Variants in ATP8B1 observed in about 807,000 individuals in gnomAD.
The protein encoded by ATP8B1 is phospholipid-transporting ATPase IC.
A neutral mutation model predicts 149.9 loss-of-function variants in ATP8B1; 80 were observed. The ratio of observed to expected loss-of-function variants is 0.53; its 90% CI spans 0.45 to 0.64. The LOEUF is 0.64. Among genes scored for constraint, ATP8B1 ranks in the 30% least tolerant of loss-of-function variants. The pLI is 0.00. For missense variants in ATP8B1, 1,247 were observed against 1,552.6 expected, an observed-to-expected ratio of 0.80 and a Z score of 3.31; for synonymous variants, 536 against 562.8, an observed-to-expected ratio of 0.95 and a Z score of 0.67.
intron 1 of ATP8B1, among the ~76,000 whole-genome samples, chr18:57,795,507 A>G (rs1412954796): frequency 6.6e-6 from 1 of 152,236 alleles, no homozygotes; most frequent in Non-Finnish European, 1.5e-5. Flanking sequence ...TGTGCATACA[A>G]TGGAATATTA....
At chr18:57,712,696 G>A (rs866966536) in intron 2 of ATP8B1, among the ~76,000 whole-genome samples, 4 of 151,656 alleles carry the variant, frequency 2.6e-5, no homozygotes, top group Non-Finnish European at 4.4e-5. Context: ...ATGCTTGCTC[G>A]GCCCCTCCCC....
At position 57,754,211 on chromosome 18, in the gene ATP8B1, G is replaced by T. The variant is rs181164063; in HGVS notation, c.-25-22379C>A. ...CTAGCACTTTGGGAGCCTGAGGCAG[G>T]TGGATCATTTGAAGTCAAGAGTTCG... On this transcript the variant is annotated intron_variant, in intron 1 of 27. Coordinates refer to ENST00000648908, the MANE Select transcript of ATP8B1 (RefSeq NM_001374385.1). 1.5e-3 allele frequency among the ~76,000 whole-genome samples: 234 copies of T among 152,180 alleles called. 1 individual carries two copies. The highest frequency in any genetic ancestry group is 5.5e-3 in the African/African-American group (229 of 41,542).
At chr18:57,662,768 T>C (rs1438751106) in intron 20 of ATP8B1, among the ~76,000 whole-genome samples, 153 bp from the exon 21 acceptor site, 1 of 152,220 alleles carries the variant, frequency 6.6e-6, no homozygotes, top group Non-Finnish European at 1.5e-5. Context: ...ATTATAATTT[T>C]TTTGAGAGAG....
In ATP8B1 at chr18:57,648,714, T is replaced by A; in HGVS notation, c.3532-2A>T. On this transcript the variant is annotated splice_acceptor_variant, in intron 27 of 27. Transcript: ENST00000648908. LOFTEE classifies it high-confidence loss of function. ...CAACCGCTTGCGATGCTTCTGGATC[T>A]GCAAGGGGGAGAGATGGGGAGGGAT... The A allele has an allele frequency of 6.4e-7, 1 of 1,551,714 alleles. No individual in the cohort carries two copies. The highest frequency in any genetic ancestry group is 8.7e-7 in the Non-Finnish European group (1 of 1,147,984).
At chr18:57,668,645 TC>T (rs1400426189) in intron 18 of ATP8B1, 105 bp from the exon 19 acceptor site, 7 of 704,210 alleles carry the variant, frequency 9.9e-6, no homozygotes, top group Non-Finnish European at 1.7e-5. Flanking sequence ...TAATTATACA[TC>T]CTGGTTGCTG....
intron 26 of ATP8B1, among the ~76,000 whole-genome samples, chr18:57,651,801 T>A (rs886170465): frequency 6.6e-6 from 1 of 151,782 alleles, no homozygotes; most frequent in African/African-American, 2.4e-5. Flanking sequence ...CTGGCTAATT[T>A]TTTTGTATTT....
chr18:57,718,142 C>T (rs1419579392), intron 2 of ATP8B1, among the ~76,000 whole-genome samples: 1 of 134,384 alleles, frequency 7.4e-6, no homozygotes, highest in Admixed American at 7.2e-5. Context: ...AAAAGAGAGA[C>T]CCAAATAAAT....
intron 12 of ATP8B1, among the ~76,000 whole-genome samples, chr18:57,691,217 T>G (rs899070962): frequency 4.0e-5 from 6 of 151,204 alleles, no homozygotes; most frequent in Admixed American, 2.0e-4. Context: ...AATGAAGAAG[T>G]ATCACCAAAT....
At chr18:57,756,206 TATATACAC>T (rs1568056127) in intron 1 of ATP8B1, among the ~76,000 whole-genome samples, 1 of 79,444 alleles carries the variant, frequency 1.3e-5, no homozygotes, top group Non-Finnish European at 2.7e-5. Flanking sequence ...TATATATATA[TATATACAC>T]ACACACACAC....
At chr18:57,725,772 CA>C (rs1335705807) in intron 2 of ATP8B1, among the ~76,000 whole-genome samples, 4 of 152,180 alleles carry the variant, frequency 2.6e-5, no homozygotes, top group African/African-American at 9.7e-5. Context: ...CAAGAACATA[CA>C]TTGGGGAAAG....
chr18:57,650,496 G>A lies in ATP8B1; in HGVS notation c.3402C>T (p.Gly1134=). The part of the protein sequence containing the change: ...VLFPSAFQFT[G]TASNALRQPY... The stretch of plus-strand genomic sequence containing the variant: ...GCTGTCTCAGAGCGTTTGAAGCTGT[G>A]CCTGTAAAGAACATGGCAAATGCAT... Residue 1134 remains glycine (G), a splice_region_variant and synonymous_variant, in exon 27 of 28, where the codon GGC becomes GGT. Coordinates refer to ENST00000648908, the MANE Select transcript of ATP8B1 (RefSeq NM_001374385.1). 3.1e-6 allele frequency: 5 copies of A among 1,613,132 alleles called. No homozygotes were observed. Among genetic ancestry groups the A allele is most frequent in the African/African-American group, 2.7e-5 (2 of 75,020 alleles).
chr18:57,782,754 A>C (rs945772062), intron 1 of ATP8B1, among the ~76,000 whole-genome samples: 7 of 149,176 alleles, frequency 4.7e-5, no homozygotes, highest in African/African-American at 1.7e-4. Context: ...TTAGGAAAAC[A>C]GATTTACTGT....
chr18:57,727,395 G>A lies in ATP8B1; in HGVS notation c.181+4232C>T, dbSNP rs550658116. On this transcript the variant is annotated intron_variant, in intron 2 of 27. Transcript: ENST00000648908. Reference sequence around the variant, plus strand: ...CCCTAGGATATCCTACGATTGATACGTTTCAATGAGCCATCTTTATCTGTG... The same window carrying A: ...CCCTAGGATATCCTACGATTGATACATTTCAATGAGCCATCTTTATCTGTG... Among the ~76,000 whole-genome samples, 12 of 152,252 alleles carry A rather than the reference G, an allele frequency of 7.9e-5. 2 individuals carry two copies. Among genetic ancestry groups the A allele is most frequent in the South Asian group, 6.2e-4 (3 of 4,828 alleles).
Position 57,674,994 on chromosome 18 carries a change from G to T in ATP8B1, c.1659C>A (p.Pro553=). The T allele has an allele frequency of 6.2e-7, 1 of 1,614,162 alleles. No homozygotes were observed. The highest frequency in any genetic ancestry group is 8.5e-7 in the Non-Finnish European group (1 of 1,180,020). ...DGQLNYQAAS[P]DEGALVNAAR... Reference sequence around the variant, plus strand: ...CAGCGTTTACCAGGGCACCTTCATCGGGAGAGGCTGCCTGGTAGTTGAGCT... The same window carrying T: ...CAGCGTTTACCAGGGCACCTTCATCTGGAGAGGCTGCCTGGTAGTTGAGCT... Residue 553 remains proline, a synonymous_variant, in exon 16 of 28, where the codon CCC becomes CCA. Coordinates refer to ENST00000648908, the MANE Select transcript of ATP8B1 (RefSeq NM_001374385.1).
At chr18:57,666,079 C>T (rs1477426396) in intron 20 of ATP8B1, among the ~76,000 whole-genome samples, 6 of 152,220 alleles carry the variant, frequency 3.9e-5, no homozygotes, top group African/African-American at 1.4e-4. Flanking sequence ...CACTTTATCA[C>T]ACCTGGCAAA....
chr18:57,758,444 C>T (rs1202546428), intron 1 of ATP8B1, among the ~76,000 whole-genome samples: 2 of 150,530 alleles, frequency 1.3e-5, no homozygotes, highest in Non-Finnish European at 3.0e-5. Flanking sequence ...AGTTCGAGAC[C>T]AGCCTGACCA....
At chr18:57,758,306 C>CTG in intron 1 of ATP8B1, among the ~76,000 whole-genome samples, 1 of 143,246 alleles carries the variant, frequency 7.0e-6, no homozygotes. Flanking sequence ...TGGTAATCGA[C>CTG]TTTACTGTTT....
At chr18:57,783,028 G>C (rs1454146957) in intron 1 of ATP8B1, among the ~76,000 whole-genome samples, 1 of 151,834 alleles carries the variant, frequency 6.6e-6, no homozygotes, top group East Asian at 1.9e-4. Flanking sequence ...GGTCTGGCTG[G>C]TCTCAAACTC....
chr18:57,792,437 C>T (rs558604749), intron 1 of ATP8B1, among the ~76,000 whole-genome samples: 2 of 152,084 alleles, frequency 1.3e-5, no homozygotes, highest in South Asian at 4.1e-4. Flanking sequence ...TGTGAGCCAC[C>T]ACACCCGACC....
Sources: gnomAD v4.1 joint callset for allele counts (sites outside exome capture counted in the v4.1 genomes callset) on GRCh38, gnomAD v4.1.1 for gene constraint, MANE v1.5 for transcripts, NCBI Gene and HGNC (gene_info 2026-07-23, HGNC 2026-07-21) for gene names.